Variants in METTL15 observed in about 807,000 individuals in gnomAD.
METTL15 encodes the protein methyltransferase 15, mitochondrial 12S rRNA N4-cytidine, also known as 12S rRNA N(4)-cytidine methyltransferase METTL15.
METTL15 carries 34 observed loss-of-function variants against 38.3 expected under a neutral mutation model. The ratio of observed to expected loss-of-function variants is 0.89; its 90% CI spans 0.68 to 1.18. The LOEUF is 1.18. Ranked by LOEUF, METTL15 falls within the 50% of genes most tolerant of loss-of-function variation. The pLI is 0.00. For synonymous variants in METTL15, 162 were observed against 170.9 expected (o/e 0.95, Z 0.41); for missense variants, 438 against 498.4 (o/e 0.88, Z 1.15).
chr11:28,385,774 C>A (rs758763906), intron 5 of METTL15, among the ~76,000 whole-genome samples: 2 of 152,068 alleles, frequency 1.3e-5, no homozygotes, highest in African/African-American at 2.4e-5. Context: ...TGATGATAAT[C>A]TTTGCATTAC....
At chr11:28,163,955 T>G (rs1565134880) in intron 3 of METTL15, 1 of 152,222 alleles carries the variant, frequency 6.6e-6, no homozygotes, top group East Asian at 1.9e-4. Flanking sequence ...AAGCCAAAAT[T>G]TTTTCTTACT....
At chr11:28,221,432 C>G (rs1047663716) in intron 4 of METTL15, among the ~76,000 whole-genome samples, 3 of 152,094 alleles carry the variant, frequency 2.0e-5, no homozygotes, top group Admixed American at 2.0e-4. Context: ...AAGGACTTGT[C>G]TGCATTGGTT....
At chr11:28,395,253 C>A (rs936984856) in intron 5 of METTL15, among the ~76,000 whole-genome samples, 1 of 152,104 alleles carries the variant, frequency 6.6e-6, no homozygotes, top group Non-Finnish European at 1.5e-5. Flanking sequence ...TTCTGATATT[C>A]AGAGGTGTGC....
downstream of METTL15, among the ~76,000 whole-genome samples, chr11:28,337,161 C>G (rs1421818237): frequency 2.0e-5 from 3 of 151,980 alleles, no homozygotes; most frequent in Non-Finnish European, 4.4e-5. Context: ...GTTTTAAGCT[C>G]TGTTATTACA....
chr11:28,508,836 CA>C (rs1851651399), intron 6 of METTL15, among the ~76,000 whole-genome samples: 1 of 152,106 alleles, frequency 6.6e-6, no homozygotes. Flanking sequence ...ATTGTTAAAC[CA>C]AAAAGGCAAG....
chr11:28,459,560 G>T (rs1851197787), intron 6 of METTL15, among the ~76,000 whole-genome samples: 1 of 151,880 alleles, frequency 6.6e-6, no homozygotes, highest in East Asian at 1.9e-4. Flanking sequence ...ATCTTCTTTT[G>T]GAATCAAGTT....
At chr11:28,283,560 A>G (rs1442710672) in intron 4 of METTL15, among the ~76,000 whole-genome samples, 1 of 152,206 alleles carries the variant, frequency 6.6e-6, no homozygotes, top group African/African-American at 2.4e-5. Context: ...CTATTCTTGT[A>G]TCACTCAGTC....
intron 4 of METTL15, among the ~76,000 whole-genome samples, chr11:28,238,272 C>T (rs1299673794): frequency 1.3e-5 from 2 of 152,318 alleles, no homozygotes; most frequent in Non-Finnish European, 1.5e-5. Flanking sequence ...GTGCGAGCTT[C>T]CCGGCTGCTT....
In METTL15 at chr11:28,253,211, G is replaced by A. The variant is rs776765861; in HGVS notation, c.408-36995G>A. 5.3e-5 allele frequency among the ~76,000 whole-genome samples: 8 copies of A among 152,228 alleles called. No individual in the cohort carries two copies. In the South Asian group the frequency reaches 6.2e-4, roughly 12 times the overall value. On this transcript the variant is annotated intron_variant, in intron 4 of 6. Transcript: ENST00000407364. ...ATTGCTACTCAGTAGGCTGAAAACC[G>A]AAAGATATTTTCCTTTTCACCTCCA...
chr11:28,389,941 G>A (rs1357784459), intron 5 of METTL15, among the ~76,000 whole-genome samples: 2 of 151,994 alleles, frequency 1.3e-5, no homozygotes, highest in African/African-American at 2.4e-5. Context: ...GTATGAGATG[G>A]TATCTCATTG....
chr11:28,241,549 A>T (rs944524487), intron 4 of METTL15, among the ~76,000 whole-genome samples: 1 of 151,948 alleles, frequency 6.6e-6, no homozygotes, highest in Non-Finnish European at 1.5e-5. Flanking sequence ...AAGAAAAAAA[A>T]AAAAAAGAAA....
intron 4 of METTL15, among the ~76,000 whole-genome samples, chr11:28,360,289 C>G (rs892864438): frequency 1.3e-5 from 2 of 152,198 alleles, no homozygotes; most frequent in Non-Finnish European, 2.9e-5. Flanking sequence ...ATTCCACCAC[C>G]TCACCTCTCA....
intron 3 of METTL15, among the ~76,000 whole-genome samples, chr11:28,207,053 A>C (rs1412364852): frequency 1.4e-5 from 2 of 140,412 alleles, no homozygotes; most frequent in Non-Finnish European, 3.0e-5. Flanking sequence ...GTCATCTGCA[A>C]ACAGGGACAA....
At chr11:28,255,055 G>A (rs922660121) in intron 4 of METTL15, among the ~76,000 whole-genome samples, 5 of 152,040 alleles carry the variant, frequency 3.3e-5, no homozygotes, top group Admixed American at 6.6e-5. Flanking sequence ...ATCGCTTTGG[G>A]TACTGTAGGC....
chr11:28,312,422 A>G (rs1857336490), intron 6 of METTL15, among the ~76,000 whole-genome samples: 1 of 152,190 alleles, frequency 6.6e-6, no homozygotes, highest in South Asian at 2.1e-4. Context: ...TCAGCTGTCT[A>G]TCTCAGAAGT....
Position 28,158,282 on chromosome 11 carries a change from G to A in METTL15, c.270+44678G>A, listed in dbSNP as rs757106470. 3.9e-5 allele frequency among the ~76,000 whole-genome samples: 6 copies of A among 152,296 alleles called. No homozygotes were observed. The South Asian group carries it at 8.3e-4, about 21-fold the overall frequency. The stretch of plus-strand genomic sequence containing the variant: ...AATAATCAAGTGGATAGGATGACCC[G>A]TTCTGTGGACACCTTCAGCCTCTTT... On this transcript the variant is annotated intron_variant, in intron 3 of 6. Transcript: ENST00000407364.
chr11:28,216,922 T>C (rs887620588), intron 4 of METTL15, among the ~76,000 whole-genome samples: 17 of 151,914 alleles, frequency 1.1e-4, no homozygotes, highest in Non-Finnish European at 1.8e-4. Flanking sequence ...TAGTATTCCA[T>C]GGTGTATATG....
intron 4 of METTL15, among the ~76,000 whole-genome samples, chr11:28,244,533 C>G (rs1565197570): frequency 6.6e-6 from 1 of 152,072 alleles, no homozygotes; most frequent in Non-Finnish European, 1.5e-5. Flanking sequence ...GCTGTAACTC[C>G]TGATTTTCCA....
intron 4 of METTL15, among the ~76,000 whole-genome samples, chr11:28,286,882 G>A (rs1442159032): frequency 2.0e-5 from 3 of 151,240 alleles, no homozygotes; most frequent in East Asian, 2.0e-4. Context: ...ATGTACACAC[G>A]CACACACAGA....
Sources: gnomAD v4.1 joint callset for allele counts (sites outside exome capture counted in the v4.1 genomes callset) on GRCh38, gnomAD v4.1.1 for gene constraint, MANE v1.5 for transcripts, NCBI Gene and HGNC (gene_info 2026-07-23, HGNC 2026-07-21) for gene names.